Variants in DENND5B observed in about 807,000 individuals in gnomAD.
The protein encoded by DENND5B is DENN domain-containing protein 5B.
DENND5B carries 34 observed loss-of-function variants against 140.6 expected under a neutral mutation model. The observed-to-expected ratio is 0.24, with a 90% CI of 0.18 to 0.32. The LOEUF is 0.32. Ranked by LOEUF, DENND5B falls within the 10% of genes least tolerant of loss-of-function variation. The pLI is 1.00. For missense variants in DENND5B, 1,142 were observed against 1,560.2 expected, an observed-to-expected ratio of 0.73 and a Z score of 4.52; for synonymous variants, 551 against 562.1, an observed-to-expected ratio of 0.98 and a Z score of 0.28.
intron 3 of DENND5B, among the ~76,000 whole-genome samples, chr12:31,461,416 A>C (rs1565602500): frequency 6.6e-6 from 1 of 152,200 alleles, no homozygotes; most frequent in Non-Finnish European, 1.5e-5. Flanking sequence ...TATCAAAATT[A>C]AAAGCTCCCC....
At chr12:31,434,263 T>G (rs1312663389) in intron 7 of DENND5B, among the ~76,000 whole-genome samples, 1 of 152,228 alleles carries the variant, frequency 6.6e-6, no homozygotes, top group African/African-American at 2.4e-5. Flanking sequence ...TCATTCTCTC[T>G]GATCTTATAT....
chr12:31,513,740 C>CA (rs1947513066), intron 1 of DENND5B, among the ~76,000 whole-genome samples: 1 of 152,050 alleles, frequency 6.6e-6, no homozygotes, highest in African/African-American at 2.4e-5. Flanking sequence ...TTCTAGAAAT[C>CA]AGACATTTCT....
intron 15 of DENND5B, among the ~76,000 whole-genome samples, chr12:31,400,134 A>T (rs1941715514): frequency 1.3e-5 from 2 of 152,236 alleles, no homozygotes. Context: ...AATTTCTAAA[A>T]ACAGGAAAAA....
chr12:31,556,089 A>G (rs553397338), intron 1 of DENND5B, among the ~76,000 whole-genome samples: 2 of 152,332 alleles, frequency 1.3e-5, no homozygotes, highest in South Asian at 4.1e-4. Context: ...GGCACTCCCC[A>G]GTGAGATGAA....
intron 15 of DENND5B, among the ~76,000 whole-genome samples, chr12:31,400,441 T>C (rs916465959): frequency 2.0e-5 from 3 of 152,184 alleles, no homozygotes; most frequent in Admixed American, 6.5e-5. Flanking sequence ...GCAATGATAA[T>C]AGGAATAGCA....
chr12:31,578,553 T>A (rs1342459057), intron 1 of DENND5B, among the ~76,000 whole-genome samples: 1 of 152,214 alleles, frequency 6.6e-6, no homozygotes, highest in East Asian at 1.9e-4. Flanking sequence ...ATGCCACCTT[T>A]CTCTCCCACC....
intron 1 of DENND5B, among the ~76,000 whole-genome samples, chr12:31,569,393 TA>T (rs1949738270): frequency 6.6e-6 from 1 of 152,196 alleles, no homozygotes; most frequent in Non-Finnish European, 1.5e-5. Context: ...GTAACATATA[TA>T]TCTGGCTCTG....
At position 31,522,241 on chromosome 12, in the gene DENND5B, T is replaced by C. The variant is rs895591977; in HGVS notation, c.128-26322A>G. On this transcript the variant is annotated intron_variant, in intron 1 of 20. Transcript: ENST00000389082. Reference sequence around the variant, plus strand: ...ACGCTGATTTACAGCATCTATCACATTGTGCAGTAGAAAAGGCTAAGCTGA... The same window carrying C: ...ACGCTGATTTACAGCATCTATCACACTGTGCAGTAGAAAAGGCTAAGCTGA... 8.5e-5 allele frequency among the ~76,000 whole-genome samples: 13 copies of C among 152,270 alleles called. No individual in the cohort carries two copies. In the East Asian group the frequency reaches 1.2e-3, roughly 14 times the overall value.
intron 17 of DENND5B, among the ~76,000 whole-genome samples, chr12:31,395,425 C>T (rs1477319762): frequency 6.6e-6 from 1 of 152,170 alleles, no homozygotes; most frequent in Non-Finnish European, 1.5e-5. Context: ...GAAACCCCGT[C>T]TCTACCCAAA....
chr12:31,537,801 T>G (rs1948553796), intron 1 of DENND5B, among the ~76,000 whole-genome samples: 1 of 151,934 alleles, frequency 6.6e-6, no homozygotes, highest in Non-Finnish European at 1.5e-5. Flanking sequence ...ACACATTCCA[T>G]GACAATGGAA....
At chr12:31,514,721 G>A (rs1198044483) in intron 1 of DENND5B, among the ~76,000 whole-genome samples, 1 of 152,048 alleles carries the variant, frequency 6.6e-6, no homozygotes, top group African/African-American at 2.4e-5. Context: ...GGAGGCTAGG[G>A]CAGGAGAATC....
At chr12:31,425,761 CAAAT>C (rs912812387) in intron 9 of DENND5B, among the ~76,000 whole-genome samples, 19 of 152,220 alleles carry the variant, frequency 1.2e-4, no homozygotes, top group South Asian at 6.2e-4. Context: ...AAATGACTGT[CAAAT>C]AAATAAATAA....
At chr12:31,463,465 C>T (rs1014727415) in intron 3 of DENND5B, among the ~76,000 whole-genome samples, 3 of 152,014 alleles carry the variant, frequency 2.0e-5, no homozygotes, top group Non-Finnish European at 4.4e-5. Flanking sequence ...CAGTATCTGA[C>T]ATATAATAGA....
At chr12:31,429,646 T>C (rs1943420041) in intron 8 of DENND5B, among the ~76,000 whole-genome samples, 1 of 151,914 alleles carries the variant, frequency 6.6e-6, no homozygotes, top group Non-Finnish European at 1.5e-5. Context: ...TGACCTCAAG[T>C]GATCCACTCA....
chr12:31,490,120 T>C (rs1027455766), intron 2 of DENND5B, among the ~76,000 whole-genome samples: 1 of 141,758 alleles, frequency 7.1e-6, no homozygotes, highest in African/African-American at 2.6e-5. Flanking sequence ...GGCAAGTAGG[T>C]GGATGGTTGT....
chr12:31,543,715 G>A (rs894406759), intron 1 of DENND5B, among the ~76,000 whole-genome samples: 1 of 152,266 alleles, frequency 6.6e-6, no homozygotes, highest in East Asian at 1.9e-4. Flanking sequence ...AAAACAGAAA[G>A]GGAATGTTTA....
intron 1 of DENND5B, among the ~76,000 whole-genome samples, chr12:31,552,778 T>C (rs565573439): frequency 6.6e-6 from 1 of 152,352 alleles, no homozygotes; most frequent in South Asian, 2.1e-4. Flanking sequence ...ATTCAACTTC[T>C]TCCTGGTTTA....
At chr12:31,405,755 C>T (rs1942094775) in intron 14 of DENND5B, among the ~76,000 whole-genome samples, 1 of 151,858 alleles carries the variant, frequency 6.6e-6, no homozygotes. Context: ...ATCATCTTGG[C>T]CAGGCTGGTC....
rs1028306585 is a variant in DENND5B at position 31,479,985 on chromosome 12, G to C, written c.508C>G (p.Leu170Val). 1 of 1,614,022 alleles carries C rather than the reference G, an allele frequency of 6.2e-7. No homozygotes were observed. Among genetic ancestry groups the C allele is most frequent in the South Asian group, 1.1e-5 (1 of 91,082 alleles). ...SSLDEGDTTS[L>V]LKLQRYNSYD... ...GAGTTGTATCGCTGGAGTTTCAAAA[G>C]GGAAGTTGTATCTCCTTCATCAAGA... Residue 170 changes from leucine to valine, a missense_variant, in exon 3 of 21, where the codon CTT (leucine) becomes GTT (valine). Transcript: ENST00000389082.
Sources: allele counts gnomAD v4.1 joint callset (sites outside exome capture counted in the v4.1 genomes callset), GRCh38; gene constraint gnomAD v4.1.1; transcripts MANE v1.5; gene names NCBI Gene and HGNC (gene_info 2026-07-23, HGNC 2026-07-21).